ADGRV1: variants seen among roughly 807,000 people sequenced by gnomAD.
ADGRV1 encodes adhesion G protein-coupled receptor V1.
In ADGRV1, 359 loss-of-function variants were observed where a neutral mutation model predicts 596.2. The ratio of observed to expected loss-of-function variants is 0.60; its 90% CI spans 0.55 to 0.66. The LOEUF is 0.66. ADGRV1 is among the 30% of genes least tolerant of loss of function. The pLI is 0.00. For synonymous variants in ADGRV1, 2,681 were observed against 2,679.2 expected (o/e 1.00, Z -0.02); for missense variants, 7,274 against 7,575.6 (o/e 0.96, Z 1.48).
rs750532278 is a variant in ADGRV1 at position 90,706,257 on chromosome 5, G to T, written c.8593G>T (p.Val2865Phe). The T allele has an allele frequency of 2.5e-6, 4 of 1,612,576 alleles. No homozygotes were observed. The African/African-American group carries it at 5.3e-5, about 22-fold the overall frequency. ...AGCTATCAATGTCACATATACCACG[G>T]TTCCTGGAATGCTGAGTCTGAAGAA... is the stretch of plus-strand genomic sequence containing the variant. ...LGAINVTYTTVPGMLSLKNQT... is the reference protein window; with the variant it reads ...LGAINVTYTTFPGMLSLKNQT... Residue 2865 changes from valine to phenylalanine, a missense_variant, in exon 38 of 90, where the codon GTT becomes TTT. Val to Phe is a conservative substitution (Grantham distance 50). This residue lies in a region of ADGRV1 where 3,643 missense variants were observed against 3,809.2 expected (regional missense o/e 0.96). Transcript: ENST00000405460.
In ADGRV1 at chr5:90,653,692, C is replaced by T. The variant is rs187139957; in HGVS notation, c.4118C>T (p.Ala1373Val). The T allele has an allele frequency of 1.2e-5, 20 of 1,613,018 alleles. No individual in the cohort carries two copies. In the Admixed American group the frequency reaches 1.3e-4, roughly 11 times the overall value. The change falls in exon 20 of 90, where the codon GCG (alanine) becomes GTG (valine). Residue 1373 changes from alanine (A) to valine (V), a missense_variant. Coordinates refer to ENST00000405460, the MANE Select transcript of ADGRV1 (RefSeq NM_032119.4). ...PNANTNGFII[A>V]KDDGNGSIYY... ...GCCAATACGAATGGATTCATTATAG[C>T]GAAGGATGACGGTAATGGAAGCATC...
In ADGRV1 at chr5:91,010,281, G is replaced by A. The variant is rs1190066340; in HGVS notation, c.18152+24759G>A. 2.0e-5 allele frequency among the ~76,000 whole-genome samples: 3 copies of A among 151,974 alleles called. No individual in the cohort carries two copies. In the East Asian group the frequency reaches 5.8e-4, roughly 29 times the overall value. On this transcript the variant is annotated intron_variant, in intron 85 of 89. Coordinates refer to ENST00000405460, the MANE Select transcript of ADGRV1 (RefSeq NM_032119.4). ...TAGTTTCATACGCAGTTCCTGGGGT[G>A]GATCAAAAGAATCACCTAAATATGA...
chr5:91,110,484 A>G (rs1330912939), intron 87 of ADGRV1, among the ~76,000 whole-genome samples: 1 of 152,186 alleles, frequency 6.6e-6, no homozygotes, highest in Non-Finnish European at 1.5e-5. Context: ...AATATTTTGC[A>G]TATCACTCCT....
intron 85 of ADGRV1, among the ~76,000 whole-genome samples, chr5:91,007,100 GAA>G (rs1313104910): frequency 2.0e-5 from 3 of 152,228 alleles, no homozygotes; most frequent in African/African-American, 4.8e-5. Flanking sequence ...AGTTGGGATT[GAA>G]AAGACAGTGG....
At chr5:91,101,411 C>A (rs1051609601) in intron 86 of ADGRV1, among the ~76,000 whole-genome samples, 7 of 152,146 alleles carry the variant, frequency 4.6e-5, no homozygotes, top group Non-Finnish European at 7.3e-5. Context: ...GTGGTGTGGT[C>A]TACCCTGATG....
intron 83 of ADGRV1, among the ~76,000 whole-genome samples, chr5:90,956,644 C>T (rs1561996533): frequency 6.6e-6 from 1 of 152,280 alleles, no homozygotes. Context: ...CCAGCCTTTG[C>T]ACTCGTTGTT....
At chr5:90,700,270 G>A (rs1184396389) in intron 34 of ADGRV1, among the ~76,000 whole-genome samples, 1 of 152,104 alleles carries the variant, frequency 6.6e-6, no homozygotes, top group Admixed American at 6.6e-5. Flanking sequence ...TGTTAACGTT[G>A]CTTTTAGCCT....
intron 87 of ADGRV1, among the ~76,000 whole-genome samples, chr5:91,139,160 G>C (rs1219240537): frequency 2.6e-5 from 4 of 152,224 alleles, no homozygotes; most frequent in African/African-American, 9.6e-5. Context: ...GCACATTTCT[G>C]TAAGAGTCTA....
At chr5:90,965,090 A>G (rs957743938) in intron 83 of ADGRV1, among the ~76,000 whole-genome samples, 1 of 152,026 alleles carries the variant, frequency 6.6e-6, no homozygotes, top group Non-Finnish European at 1.5e-5. Context: ...CATTTCCACT[A>G]TTTTCTACTT....
chr5:91,122,307 G>C (rs2088802168), intron 87 of ADGRV1, among the ~76,000 whole-genome samples: 1 of 152,162 alleles, frequency 6.6e-6, no homozygotes, highest in Non-Finnish European at 1.5e-5. Flanking sequence ...TATAGCTGTG[G>C]AAATATAATT....
intron 85 of ADGRV1, among the ~76,000 whole-genome samples, chr5:91,027,715 G>A (rs1784132911): frequency 1.3e-5 from 2 of 152,166 alleles, no homozygotes; most frequent in Admixed American, 1.3e-4. Context: ...TTAAGGGAAA[G>A]CTTAGCATTG....
chr5:91,153,230 G>C lies in ADGRV1; in HGVS notation c.18634G>C (p.Asp6212His). 1 of 1,605,226 alleles carries C rather than the reference G, an allele frequency of 6.2e-7. No homozygotes were observed. Among genetic ancestry groups the C allele is most frequent in the Non-Finnish European group, 8.5e-7 (1 of 1,175,724 alleles). The change falls in exon 89 of 90, where the codon GAC (aspartate) becomes CAC (histidine). Residue 6212 changes from aspartate (D) to histidine (H), a missense_variant. By Grantham distance (81) the Asp-to-His change is moderately conservative. This residue lies in a region of ADGRV1 where 1,874 missense variants were observed against 1,970.2 expected (regional missense o/e 0.95). Coordinates refer to ENST00000405460, the MANE Select transcript of ADGRV1 (RefSeq NM_032119.4). Reference sequence around the variant, plus strand: ...ATCCCAATCTAAAAAGGTGCCACCTGACTGGGAGAGAGCATCCTTCCAACA... The same window carrying C: ...ATCCCAATCTAAAAAGGTGCCACCTCACTGGGAGAGAGCATCCTTCCAACA... ...LIGAMEEVPP[D>H]WERASFQQGS...
chr5:90,644,771 C>A lies in ADGRV1; in HGVS notation c.2800C>A (p.Pro934Thr). The A allele has an allele frequency of 6.2e-7, 1 of 1,611,666 alleles. No homozygotes were observed. The highest frequency in any genetic ancestry group is 8.5e-7 in the Non-Finnish European group (1 of 1,179,096). The change falls in exon 15 of 90, where the codon CCA (proline) becomes ACA (threonine). Residue 934 changes from proline (P) to threonine (T), a missense_variant. Pro to Thr is a conservative substitution (Grantham distance 38, BLOSUM62 -1). This residue lies in a region of ADGRV1 where 1,715 missense variants were observed against 1,708.8 expected (regional missense o/e 1.00). Transcript: ENST00000405460. The part of the protein sequence containing the change: ...GDVSVSWVVS[P>T]DFTQDVFPVQ... ...TGTTAGTGTATCATGGGTGGTTAGT[C>A]CAGACTTTACACAAGATGTATTTCC...
At chr5:90,750,784 T>A in intron 53 of ADGRV1, 87 bp downstream of exon 53, 2 of 992,762 alleles carry the variant, frequency 2.0e-6, no homozygotes, top group South Asian at 1.6e-5. Flanking sequence ...ATGGATGAAG[T>A]GTTTGAGTTT....
intron 39 of ADGRV1, among the ~76,000 whole-genome samples, 154 bp from the exon 40 acceptor site, chr5:90,710,825 TTG>T (rs985900361): frequency 6.6e-6 from 1 of 152,202 alleles, no homozygotes; most frequent in African/African-American, 2.4e-5. Context: ...GTGATAAGCA[TTG>T]TCTCTTTATT....
intron 83 of ADGRV1, among the ~76,000 whole-genome samples, chr5:90,875,670 G>T (rs988979660): frequency 3.9e-5 from 6 of 152,184 alleles, no homozygotes; most frequent in African/African-American, 1.4e-4. Context: ...ATAGCAAATG[G>T]TAAGTTTTCT....
At position 90,705,332 on chromosome 5, in the gene ADGRV1, G is replaced by A. The variant is rs192004662; in HGVS notation, c.8387-68G>A. 6.9e-5 allele frequency: 89 copies of A among 1,290,212 alleles called. No homozygotes were observed. The Admixed American group carries it at 9.6e-4, about 14-fold the overall frequency. 79.9% of individuals were successfully genotyped at this position (1,290,212 alleles called of 1,614,324 possible). A position where few individuals can be genotyped will look rare whatever the true frequency, so the allele number is the denominator to read the frequency against. On this transcript the variant is annotated intron_variant, in intron 36 of 89. Transcript: ENST00000405460. ...TGATTACCTTAATGTTTCAGAGAGT[G>A]AGGCTATGTTTCCAGCGATTAAAAG... is the stretch of plus-strand genomic sequence containing the variant.
At chr5:90,927,392 C>A (rs899964248) in intron 83 of ADGRV1, among the ~76,000 whole-genome samples, 1 of 152,162 alleles carries the variant, frequency 6.6e-6, no homozygotes, top group Non-Finnish European at 1.5e-5. Context: ...TATGTAATGG[C>A]ATTCTTTGTC....
At chr5:90,759,675 G>C (rs1756250344) in intron 58 of ADGRV1, 87 bp downstream of exon 58, 1 of 1,254,462 alleles carries the variant, frequency 8.0e-7, no homozygotes, top group East Asian at 2.5e-5. Flanking sequence ...TTTTTGTTTT[G>C]GAAGTCTTGG....
Sources: gnomAD v4.1 joint callset for allele counts (sites outside exome capture counted in the v4.1 genomes callset) on GRCh38, gnomAD v4.1.1 for gene constraint, gnomAD v4.1.1 regional missense constraint, MANE v1.5 for transcripts, NCBI Gene and HGNC (gene_info 2026-07-23, HGNC 2026-07-21) for gene names.